Variants in ELOVL7 observed in about 807,000 individuals in gnomAD.
The protein encoded by ELOVL7 is very long chain fatty acid elongase 7.
A neutral mutation model predicts 35.7 loss-of-function variants in ELOVL7; 27 were observed. The observed-to-expected ratio is 0.76, with a 90% CI of 0.56 to 1.04. The LOEUF is 1.04. Ranked by LOEUF, ELOVL7 falls within the 50% of genes least tolerant of loss-of-function variation. The pLI, the probability that ELOVL7 is intolerant of heterozygous loss-of-function variation, is 0.00. For synonymous variants in ELOVL7, 113 were observed against 114.6 expected (o/e 0.99, Z 0.09); for missense variants, 327 against 340.8 (o/e 0.96, Z 0.32).
intron 1 of ELOVL7, among the ~76,000 whole-genome samples, chr5:60,823,924 T>C (rs1271526598): frequency 1.3e-5 from 2 of 152,214 alleles, no homozygotes; most frequent in African/African-American, 2.4e-5. Context: ...CTGGTCAGGA[T>C]TGAGACAAGA....
chr5:60,765,708 A>T lies in ELOVL7; in HGVS notation c.393+866T>A, dbSNP rs182782348. Among the ~76,000 whole-genome samples the T allele has an allele frequency of 2.7e-4, 41 of 152,298 alleles. 1 individual carries two copies. Among genetic ancestry groups the T allele is most frequent in the Admixed American group, 1.5e-3 (23 of 15,288 alleles). On this transcript the variant is annotated intron_variant, in intron 6 of 8. Coordinates refer to ENST00000508821, the MANE Select transcript of ELOVL7 (RefSeq NM_024930.3). ...CTCAGGTGATTCTAAATGCATGTTA[A>T]AGTTCGAGAACCACTGGATTGTATG...
At chr5:60,798,799 T>C (rs1744420158) in intron 2 of ELOVL7, among the ~76,000 whole-genome samples, 1 of 152,184 alleles carries the variant, frequency 6.6e-6, no homozygotes, top group Non-Finnish European at 1.5e-5. Flanking sequence ...GCATAAATCA[T>C]GAAGACATAA....
chr5:60,835,134 G>A (rs932450142), intron 1 of ELOVL7, among the ~76,000 whole-genome samples: 1 of 149,030 alleles, frequency 6.7e-6, no homozygotes. Flanking sequence ...AGGTTGCAGC[G>A]AGCTGAGAGC....
chr5:60,810,563 A>C (rs1163863665), intron 1 of ELOVL7, among the ~76,000 whole-genome samples: 1 of 152,250 alleles, frequency 6.6e-6, no homozygotes, highest in African/African-American at 2.4e-5. Context: ...ACAAATATGC[A>C]ATCCTACAGC....
Position 60,764,302 on chromosome 5 carries a change from G to A in ELOVL7, c.424C>T (p.Gln142Ter), listed in dbSNP as rs1584160001. 1.2e-6 allele frequency: 2 copies of A among 1,613,400 alleles called. No individual in the cohort carries two copies. The highest frequency in any genetic ancestry group is 2.2e-5 in the South Asian group (2 of 91,040). ...IFFVLRKKNS[Q>*]VTFLHVFHHT... ...TGGAATACATGAAGGAAAGTCACTT[G>A]GCTATTTTTCTTGCGCAGAACAAAA... The change falls in exon 7 of 9, where the codon CAA becomes TAA. Residue 142 changes from glutamine to a stop codon, truncating the protein, a stop_gained. Coordinates refer to ENST00000508821, the MANE Select transcript of ELOVL7 (RefSeq NM_024930.3). LOFTEE classifies it high-confidence loss of function.
chr5:60,806,766 G>C (rs1015796703), intron 1 of ELOVL7, among the ~76,000 whole-genome samples: 1 of 152,106 alleles, frequency 6.6e-6, no homozygotes, highest in Non-Finnish European at 1.5e-5. Flanking sequence ...TCACAGGGAG[G>C]CAGCCCCTCA....
At chr5:60,775,482 C>T (rs1030842004) in intron 3 of ELOVL7, among the ~76,000 whole-genome samples, 20 of 152,070 alleles carry the variant, frequency 1.3e-4, no homozygotes, top group Non-Finnish European at 1.6e-4. Context: ...AAACTATTCT[C>T]AAATTCATAG....
chr5:60,780,260 C>T (rs1445044931), intron 3 of ELOVL7, among the ~76,000 whole-genome samples: 1 of 152,058 alleles, frequency 6.6e-6, no homozygotes, highest in African/African-American at 2.4e-5. Context: ...GCTGGGATTA[C>T]AGGCATGCGC....
At position 60,757,603 on chromosome 5, in the gene ELOVL7, T is replaced by G. The variant is rs372397313; in HGVS notation, c.542A>C (p.His181Pro). Residue 181 changes from histidine to proline, a missense_variant, in exon 8 of 9, where the codon CAT (histidine) becomes CCT (proline). His to Pro is a moderately conservative substitution (Grantham distance 77). Transcript: ENST00000508821. ...TCCATAGTAGGAATACATGACTACA[T>G]GTACAGCTGTATTTAGAAGGGCATG... ...TFHALLNTAV[H>P]VVMYSYYGLS... is the part of the protein sequence containing the mutation. The G allele has an allele frequency of 6.8e-6, 11 of 1,611,852 alleles. No individual in the cohort carries two copies. In the African/African-American group the frequency reaches 8.0e-5, roughly 12 times the overall value.
intron 1 of ELOVL7, among the ~76,000 whole-genome samples, chr5:60,801,078 C>T (rs1360331874): frequency 6.6e-6 from 1 of 152,082 alleles, no homozygotes; most frequent in African/African-American, 2.4e-5. Context: ...CAGGCATATG[C>T]CACAATGCCT....
In ELOVL7 at chr5:60,841,634, A is replaced by G. The variant is rs564198541; in HGVS notation, c.-86+2526T>C. On this transcript the variant is annotated intron_variant, in intron 1 of 8. Transcript: ENST00000508821. ...TATTTGGCCTGACTGTAGCCTATCT[A>G]TGGCCAGAATAACACTGTCGTTCTA... is the stretch of plus-strand genomic sequence containing the variant. 3.9e-5 allele frequency among the ~76,000 whole-genome samples: 6 copies of G among 152,324 alleles called. No individual in the cohort carries two copies. In the East Asian group the frequency reaches 9.6e-4, roughly 24 times the overall value.
At chr5:60,819,039 G>T (rs1437704687) in intron 1 of ELOVL7, among the ~76,000 whole-genome samples, 11 of 426 alleles carry the variant, frequency 0.026, no homozygotes, top group African/African-American at 0.1. Context: ...GGGAGGGGAG[G>T]GGAGGGGAGG....
chr5:60,821,931 G>A (rs553054355), intron 1 of ELOVL7, among the ~76,000 whole-genome samples: 26 of 152,072 alleles, frequency 1.7e-4, no homozygotes, highest in South Asian at 4.2e-4. Context: ...TCCACGATAG[G>A]GAAAAAAAGA....
At chr5:60,809,081 A>G (rs1471842357) in intron 1 of ELOVL7, among the ~76,000 whole-genome samples, 1 of 152,138 alleles carries the variant, frequency 6.6e-6, no homozygotes, top group Non-Finnish European at 1.5e-5. Context: ...AAATGTTGAC[A>G]ATTTTTGAGA....
rs1018198836 is a variant in ELOVL7 at position 60,752,666 on chromosome 5, A to C, written c.*1958T>G. ...ATTCTTTATTTTCTAAAAATATAAA[A>C]TTATGGCCGGGCACAGTGGCTCACC... On this transcript the variant is annotated 3_prime_UTR_variant, in exon 9 of 9. Coordinates refer to ENST00000508821, the MANE Select transcript of ELOVL7 (RefSeq NM_024930.3). 1.3e-5 allele frequency: 2 copies of C among 152,310 alleles called. No individual in the cohort carries two copies. Among genetic ancestry groups the C allele is most frequent in the Non-Finnish European group, 2.9e-5 (2 of 68,032 alleles). 9.4% of individuals were successfully genotyped at this position (152,310 alleles called of 1,614,324 possible). A position where few individuals can be genotyped will look rare whatever the true frequency, so the allele number is the denominator to read the frequency against.
At chr5:60,772,845 C>T (rs558655233) in intron 3 of ELOVL7, among the ~76,000 whole-genome samples, 1 of 152,090 alleles carries the variant, frequency 6.6e-6, no homozygotes, top group Admixed American at 6.5e-5. Flanking sequence ...TCCATACATG[C>T]TTTTATATAT....
At chr5:60,810,793 T>C (rs1313699252) in intron 1 of ELOVL7, among the ~76,000 whole-genome samples, 3 of 152,180 alleles carry the variant, frequency 2.0e-5, no homozygotes, top group Non-Finnish European at 4.4e-5. Flanking sequence ...TGTAAGTTCT[T>C]GTAGGGTAGG....
intron 1 of ELOVL7, among the ~76,000 whole-genome samples, chr5:60,817,759 C>A: frequency 6.9e-6 from 1 of 144,646 alleles, no homozygotes; most frequent in African/African-American, 2.5e-5. Context: ...CATATATATA[C>A]CATATATAAA....
chr5:60,780,989 C>T (rs1189990363), intron 3 of ELOVL7, among the ~76,000 whole-genome samples: 2 of 152,148 alleles, frequency 1.3e-5, no homozygotes, highest in East Asian at 1.9e-4. Context: ...GGCAGGTGAT[C>T]GCTTGAGGTC....
Sources: gnomAD v4.1 joint callset for allele counts (sites outside exome capture counted in the v4.1 genomes callset) on GRCh38, gnomAD v4.1.1 for gene constraint, MANE v1.5 for transcripts, NCBI Gene and HGNC (gene_info 2026-07-23, HGNC 2026-07-21) for gene names.